The following NLGN1 variants were observed in gnomAD, a reference collection of about 807,000 sequenced individuals.
The protein encoded by NLGN1 is neuroligin-1.
NLGN1 carries 12 observed loss-of-function variants against 65.5 expected under a neutral mutation model. The observed-to-expected ratio is 0.18, with a 90% CI of 0.12 to 0.30. The LOEUF is 0.30. NLGN1 is among the 10% of genes least tolerant of loss of function. NLGN1 has a pLI of 1.00. For synonymous variants in NLGN1, 350 were observed against 359.5 expected (o/e 0.97, Z 0.30); for missense variants, 750 against 1,007.1 (o/e 0.74, Z 3.46).
chr3:174,190,085 C>T (rs997981271), intron 4 of NLGN1, among the ~76,000 whole-genome samples: 4 of 152,056 alleles, frequency 2.6e-5, no homozygotes, highest in African/African-American at 7.2e-5. Flanking sequence ...AACACTTGAG[C>T]ACTGTGCTAC....
chr3:173,522,943 T>TTTTTTTTTTTTTTTTTTTTTTTTGAAG, intron 2 of NLGN1, among the ~76,000 whole-genome samples: 1 of 152,004 alleles, frequency 6.6e-6, no homozygotes, highest in Non-Finnish European at 1.5e-5. Flanking sequence ...TGTTGTTTTT[T>TTTTTTTTTTTTTTTTTTTTTTTTGAAG]GACTTTGTAG....
chr3:173,618,679 G>C (rs1255232041), intron 3 of NLGN1, among the ~76,000 whole-genome samples: 1 of 152,114 alleles, frequency 6.6e-6, no homozygotes, highest in Non-Finnish European at 1.5e-5. Context: ...TGAGTATGGT[G>C]GAAAATGGGC....
intron 3 of NLGN1, among the ~76,000 whole-genome samples, chr3:173,640,117 A>G (rs1193898187): frequency 6.6e-6 from 1 of 152,214 alleles, no homozygotes; most frequent in Non-Finnish European, 1.5e-5. Flanking sequence ...ATAATGATGC[A>G]TAATGTACCA....
intron 4 of NLGN1, among the ~76,000 whole-genome samples, chr3:174,217,603 G>T (rs1006982675): frequency 6.6e-6 from 1 of 151,944 alleles, no homozygotes; most frequent in East Asian, 1.9e-4. Flanking sequence ...TCCCCTTCAC[G>T]AAGGCCCACT....
intron 2 of NLGN1, among the ~76,000 whole-genome samples, chr3:173,587,970 CTT>C (rs1747788286): frequency 6.6e-6 from 1 of 152,138 alleles, no homozygotes; most frequent in African/African-American, 2.4e-5. Context: ...GCAACACACT[CTT>C]AATTAGAAGC....
At chr3:174,160,568 A>C (rs2152719377) in intron 4 of NLGN1, among the ~76,000 whole-genome samples, 1 of 151,640 alleles carries the variant, frequency 6.6e-6, no homozygotes, top group East Asian at 1.9e-4. Flanking sequence ...ATACTTCTGT[A>C]AAGTATTTTG....
intron 4 of NLGN1, among the ~76,000 whole-genome samples, chr3:174,198,830 C>T (rs1469313717): frequency 1.4e-5 from 2 of 146,298 alleles, no homozygotes; most frequent in African/African-American, 5.0e-5. Context: ...TTGATCTGGC[C>T]TCATGACTAG....
chr3:173,416,686 A>T (rs1431411604), intron 1 of NLGN1, among the ~76,000 whole-genome samples: 1 of 152,170 alleles, frequency 6.6e-6, no homozygotes, highest in African/African-American at 2.4e-5. Flanking sequence ...ATTCCAAAGC[A>T]TGTGAGCATC....
At chr3:173,899,860 A>C (rs913997742) in intron 4 of NLGN1, among the ~76,000 whole-genome samples, 14 of 152,066 alleles carry the variant, frequency 9.2e-5, no homozygotes, top group African/African-American at 3.4e-4. Context: ...CTTTTCTTTA[A>C]CTTGAATCAA....
chr3:174,208,978 T>C (rs1301574268), intron 4 of NLGN1, among the ~76,000 whole-genome samples: 6 of 152,114 alleles, frequency 3.9e-5, no homozygotes, highest in East Asian at 3.9e-4. Context: ...GGCTGGAGTG[T>C]AGTGGCATGG....
chr3:174,269,352 G>A (rs1266592776), intron 4 of NLGN1, among the ~76,000 whole-genome samples: 2 of 151,718 alleles, frequency 1.3e-5, no homozygotes, highest in Non-Finnish European at 2.9e-5. Context: ...TTTCTCCACA[G>A]CTCTTGGTAA....
chr3:173,673,447 A>G (rs1385695325), intron 3 of NLGN1, among the ~76,000 whole-genome samples: 1 of 152,196 alleles, frequency 6.6e-6, no homozygotes, highest in East Asian at 1.9e-4. Flanking sequence ...AGGCATTAAA[A>G]TATAGCCTAT....
At chr3:173,538,201 C>G (rs538933342) in intron 2 of NLGN1, among the ~76,000 whole-genome samples, 1 of 152,198 alleles carries the variant, frequency 6.6e-6, no homozygotes, top group Admixed American at 6.5e-5. Context: ...TGATTCAGAC[C>G]GCATACAGCC....
chr3:173,829,555 T>C (rs368894997), intron 4 of NLGN1, among the ~76,000 whole-genome samples: 5 of 12,254 alleles, frequency 4.1e-4, no homozygotes, highest in African/African-American at 1.7e-3. Flanking sequence ...AGTGTGTGCG[T>C]GTGTGTGTGT....
At chr3:174,173,369 C>G (rs548579044) in intron 4 of NLGN1, among the ~76,000 whole-genome samples, 1 of 152,018 alleles carries the variant, frequency 6.6e-6, no homozygotes, top group African/African-American at 2.4e-5. Context: ...TGAAAGCAGT[C>G]ATCCTTGTCA....
intron 3 of NLGN1, among the ~76,000 whole-genome samples, chr3:173,777,710 G>A (rs1047259825): frequency 1.3e-5 from 2 of 150,846 alleles, no homozygotes; most frequent in Non-Finnish European, 3.0e-5. Flanking sequence ...TCATCCCTTG[G>A]TGGTCACTTA....
chr3:173,539,876 TTATATATATGTTA>T (rs1411151621), intron 2 of NLGN1, among the ~76,000 whole-genome samples: 3 of 141,078 alleles, frequency 2.1e-5, no homozygotes, highest in East Asian at 2.0e-4. Flanking sequence ...TATATATATC[TTATATATATGTTA>T]TATATATGTT....
intron 1 of NLGN1, among the ~76,000 whole-genome samples, chr3:173,417,040 G>A (rs1453858963): frequency 6.6e-6 from 1 of 152,008 alleles, no homozygotes; most frequent in Non-Finnish European, 1.5e-5. Flanking sequence ...CCTCTTGAGA[G>A]TACAAACTGG....
intron 4 of NLGN1, among the ~76,000 whole-genome samples, chr3:174,272,271 G>A (rs1749543512): frequency 6.6e-6 from 1 of 151,656 alleles, no homozygotes; most frequent in Non-Finnish European, 1.5e-5. Flanking sequence ...GATCTGAAAT[G>A]GTTGTGCTGT....
Sources: allele counts gnomAD v4.1 joint callset (sites outside exome capture counted in the v4.1 genomes callset), GRCh38; gene constraint gnomAD v4.1.1; transcripts MANE v1.5; gene names NCBI Gene and HGNC (gene_info 2026-07-23, HGNC 2026-07-21).